PPP2R2B: variants seen among roughly 807,000 people sequenced by gnomAD.
PPP2R2B encodes the protein serine/threonine-protein phosphatase 2A 55 kDa regulatory subunit B beta isoform.
PPP2R2B carries 5 observed loss-of-function variants against 46.0 expected under a neutral mutation model. The observed-to-expected ratio is 0.11, with a 90% CI of 0.06 to 0.23. PPP2R2B has a LOEUF of 0.23. Ranked by LOEUF, PPP2R2B falls within the 10% of genes least tolerant of loss-of-function variation. The pLI is 1.00. For missense variants in PPP2R2B, 367 were observed against 575.0 expected, an observed-to-expected ratio of 0.64 and a Z score of 3.70; for synonymous variants, 215 against 206.7, an observed-to-expected ratio of 1.04 and a Z score of -0.34.
At chr5:146,734,249 G>T (rs1003154041) in intron 2 of PPP2R2B, among the ~76,000 whole-genome samples, 6 of 151,822 alleles carry the variant, frequency 4.0e-5, no homozygotes, top group African/African-American at 1.5e-4. Flanking sequence ...TAGAGATGGG[G>T]CCTCCCTACA....
chr5:146,962,373 A>C (rs1239383736), intron 1 of PPP2R2B, among the ~76,000 whole-genome samples: 2 of 151,804 alleles, frequency 1.3e-5, no homozygotes, highest in Non-Finnish European at 1.5e-5. Flanking sequence ...CCAGACAAGG[A>C]AGCGGCTGGG....
intron 2 of PPP2R2B, among the ~76,000 whole-genome samples, chr5:146,848,469 T>C (rs368308111): frequency 5.3e-5 from 8 of 152,150 alleles, no homozygotes; most frequent in Admixed American, 1.3e-4. Context: ...TACCTTACCT[T>C]TGATGATCTT....
At chr5:146,842,177 C>T (rs1759690326) in intron 2 of PPP2R2B, among the ~76,000 whole-genome samples, 2 of 152,166 alleles carry the variant, frequency 1.3e-5, no homozygotes, top group African/African-American at 4.8e-5. Context: ...CAACCTTTAC[C>T]TTCTTCCATC....
At chr5:146,781,131 G>GATAGATATATAT (rs1755487023) in intron 2 of PPP2R2B, among the ~76,000 whole-genome samples, 1 of 49,474 alleles carries the variant, frequency 2.0e-5, no homozygotes, top group African/African-American at 6.0e-5. Flanking sequence ...ATGCCACCAT[G>GATAGATATATAT]ATATATATAT....
chr5:146,812,559 G>GTATATATA (rs756797458), intron 2 of PPP2R2B, among the ~76,000 whole-genome samples: 1 of 1,840 alleles, frequency 5.4e-4, no homozygotes, highest in Non-Finnish European at 1.0e-3. Flanking sequence ...CCTCAGAAGA[G>GTATATATA]TATATATATA....
chr5:146,902,405 AAAT>A (rs1212007615), intron 1 of PPP2R2B, among the ~76,000 whole-genome samples: 7 of 152,198 alleles, frequency 4.6e-5, no homozygotes, highest in African/African-American at 1.7e-4. Flanking sequence ...CATCTAATAT[AAAT>A]AATAATAGCA....
At chr5:146,955,705 G>C (rs775976861) in intron 1 of PPP2R2B, among the ~76,000 whole-genome samples, 1 of 151,854 alleles carries the variant, frequency 6.6e-6, no homozygotes, top group Admixed American at 6.6e-5. Context: ...GCATGGAAGA[G>C]GTTACAGATT....
chr5:146,903,381 CT>C (rs1561507618), intron 1 of PPP2R2B, among the ~76,000 whole-genome samples: 2 of 136,414 alleles, frequency 1.5e-5, no homozygotes, highest in South Asian at 4.7e-4. Flanking sequence ...TTCTTTCTTG[CT>C]TTCTTTCTCT....
At chr5:146,887,224 G>C (rs1381582211) in intron 1 of PPP2R2B, among the ~76,000 whole-genome samples, 1 of 151,808 alleles carries the variant, frequency 6.6e-6, no homozygotes, top group African/African-American at 2.4e-5. Flanking sequence ...TTGAAATCTG[G>C]TGTTTTACAC....
intron 1 of PPP2R2B, among the ~76,000 whole-genome samples, chr5:146,950,081 A>G (rs1445753530): frequency 6.6e-6 from 1 of 152,114 alleles, no homozygotes; most frequent in Non-Finnish European, 1.5e-5. Flanking sequence ...GTCAACAATA[A>G]TTTATTGTAC....
In PPP2R2B at chr5:146,936,322, A is replaced by G. The variant is rs1189227307; in HGVS notation, c.79+119343T>C. Among the ~76,000 whole-genome samples, 3 of 152,118 alleles carry G rather than the reference A, an allele frequency of 2.0e-5. No individual in the cohort carries two copies. In the East Asian group the frequency reaches 5.8e-4, roughly 29 times the overall value. On this transcript the variant is annotated intron_variant, in intron 1 of 8. Coordinates refer to the PPP2R2B transcript ENST00000336640. ...TTATTACACTTTGTCCTGGTCATTCATGCTGCCTAAGAAGATGCCTAAATG... is the reference window on the plus strand; with the variant it reads ...TTATTACACTTTGTCCTGGTCATTCGTGCTGCCTAAGAAGATGCCTAAATG...
chr5:146,777,800 T>C (rs1458060676), intron 2 of PPP2R2B, among the ~76,000 whole-genome samples: 1 of 152,212 alleles, frequency 6.6e-6, no homozygotes, highest in Non-Finnish European at 1.5e-5. Flanking sequence ...TTTGGCCAGA[T>C]AGCTGGAACA....
intron 2 of PPP2R2B, among the ~76,000 whole-genome samples, chr5:146,810,895 C>T (rs1757498997): frequency 7.2e-6 from 1 of 138,008 alleles, no homozygotes; most frequent in Admixed American, 7.4e-5. Context: ...CACAACAGGC[C>T]CCAGTGTGTG....
At chr5:146,773,764 A>G (rs1007565663) in intron 2 of PPP2R2B, among the ~76,000 whole-genome samples, 1 of 152,182 alleles carries the variant, frequency 6.6e-6, no homozygotes, top group Admixed American at 6.5e-5. Flanking sequence ...TAGTCTCCCA[A>G]TTTATCCATC....
chr5:146,646,833 C>A (rs1775611902), intron 6 of PPP2R2B, among the ~76,000 whole-genome samples: 1 of 152,098 alleles, frequency 6.6e-6, no homozygotes, highest in Admixed American at 6.6e-5. Context: ...CAAGGCACTA[C>A]CCTAAATGTG....
chr5:146,736,509 T>C (rs1277266983), intron 2 of PPP2R2B, among the ~76,000 whole-genome samples: 1 of 152,160 alleles, frequency 6.6e-6, no homozygotes, highest in Non-Finnish European at 1.5e-5. Context: ...GAAGAAATGA[T>C]GCTGACATCC....
intron 1 of PPP2R2B, among the ~76,000 whole-genome samples, chr5:146,964,149 T>A (rs1310228197): frequency 1.3e-5 from 2 of 152,208 alleles, no homozygotes; most frequent in Admixed American, 6.5e-5. Context: ...TATCCTATTA[T>A]CCTCTTAAAC....
intron 1 of PPP2R2B, among the ~76,000 whole-genome samples, chr5:146,896,203 A>G (rs1762639274): frequency 6.6e-6 from 1 of 152,208 alleles, no homozygotes; most frequent in African/African-American, 2.4e-5. Context: ...AAGCCTGTTT[A>G]CCTCATAATC....
At chr5:147,027,677 C>G (rs966078175) in intron 1 of PPP2R2B, among the ~76,000 whole-genome samples, 58 of 151,112 alleles carry the variant, frequency 3.8e-4, no homozygotes, top group Non-Finnish European at 2.7e-4. Context: ...TAAGGAGATT[C>G]ACTCTAAATG....
Sources: allele counts gnomAD v4.1 joint callset (sites outside exome capture counted in the v4.1 genomes callset), GRCh38; gene constraint gnomAD v4.1.1; transcripts MANE v1.5; gene names NCBI Gene and HGNC (gene_info 2026-07-23, HGNC 2026-07-21).